Variants in HS6ST2 observed in about 807,000 individuals in gnomAD.
HS6ST2 encodes heparan-sulfate 6-O-sulfotransferase 2.
A neutral mutation model predicts 33.0 loss-of-function variants in HS6ST2; 17 were observed. The observed-to-expected ratio is 0.52, with a 90% confidence interval of 0.35 to 0.77. The LOEUF is 0.77. HS6ST2 is among the 30% of genes least tolerant of loss of function. The pLI, the probability that HS6ST2 is intolerant of heterozygous loss-of-function variation, is 0.01. For synonymous variants in HS6ST2, 248 were observed against 237.1 expected (o/e 1.05, Z -0.42); for missense variants, 519 against 551.7 (o/e 0.94, Z 0.59).
chrX:132,875,233 G>A (rs751877844), intron 2 of HS6ST2, among the ~76,000 whole-genome samples: 1 of 111,794 alleles, frequency 8.9e-6, no homozygotes, highest in Non-Finnish European at 1.9e-5. Flanking sequence ...AGGCACCCAA[G>A]GTGTTTATGC....
chrX:132,717,891 C>G (rs985649877), intron 2 of HS6ST2, among the ~76,000 whole-genome samples: 2 of 111,736 alleles, frequency 1.8e-5, no homozygotes, highest in Non-Finnish European at 3.8e-5. Flanking sequence ...AAACAGGTAT[C>G]CTTTTATTGG....
chrX:132,847,718 A>C (rs753201026), intron 2 of HS6ST2, among the ~76,000 whole-genome samples: 40 of 111,596 alleles, frequency 3.6e-4, no homozygotes, highest in Non-Finnish European at 5.8e-4. Context: ...CCATGTTATC[A>C]GAGGAACAGA....
chrX:132,812,458 T>A (rs1376942042), intron 2 of HS6ST2, among the ~76,000 whole-genome samples: 1 of 100,640 alleles, frequency 9.9e-6, no homozygotes. Flanking sequence ...ATAATAATAA[T>A]AATGGCCATC....
chrX:132,847,604 T>C (rs978547555), intron 2 of HS6ST2, among the ~76,000 whole-genome samples: 2 of 111,475 alleles, frequency 1.8e-5, no homozygotes, highest in Non-Finnish European at 3.8e-5. Context: ...AAGACGGAGA[T>C]CATCAACACT....
chrX:132,679,510 G>A (rs1427980440), intron 3 of HS6ST2, among the ~76,000 whole-genome samples: 1 of 111,465 alleles, frequency 9.0e-6, no homozygotes, highest in Non-Finnish European at 1.9e-5. Context: ...AATATCACAA[G>A]ACAAATGGAG....
chrX:132,858,819 G>A (rs1453797744), intron 2 of HS6ST2, among the ~76,000 whole-genome samples: 1 of 111,949 alleles, frequency 8.9e-6, no homozygotes, highest in Non-Finnish European at 1.9e-5. Flanking sequence ...GGATAGCTAG[G>A]GCTACCACTA....
chrX:132,924,906 T>C (rs1352691987), intron 2 of HS6ST2, among the ~76,000 whole-genome samples: 1 of 110,997 alleles, frequency 9.0e-6, no homozygotes, highest in African/African-American at 3.3e-5. Flanking sequence ...GAGGATTGCT[T>C]GAGCCTGGGA....
chrX:132,899,311 A>G (rs183762569), intron 2 of HS6ST2, among the ~76,000 whole-genome samples: 2 of 112,129 alleles, frequency 1.8e-5, no homozygotes, highest in African/African-American at 3.2e-5. Context: ...CAATCAACAG[A>G]AACAAACTAA....
chrX:132,679,596 T>G (rs2063952064), intron 3 of HS6ST2, among the ~76,000 whole-genome samples: 1 of 111,120 alleles, frequency 9.0e-6, no homozygotes, highest in Non-Finnish European at 1.9e-5. Flanking sequence ...CCATTGTCAT[T>G]GATAACATCT....
chrX:132,740,644 C>CT (rs1364758301), intron 2 of HS6ST2, among the ~76,000 whole-genome samples: 2 of 110,562 alleles, frequency 1.8e-5, no homozygotes, highest in Non-Finnish European at 3.8e-5. Context: ...TGGTGTTTGC[C>CT]TTTAGAAAGG....
At chrX:132,744,413 A>T (rs1490093027) in intron 2 of HS6ST2, among the ~76,000 whole-genome samples, 1 of 111,864 alleles carries the variant, frequency 8.9e-6, no homozygotes, top group Non-Finnish European at 1.9e-5. Flanking sequence ...ATGATGAGGA[A>T]GAAGATTCAC....
intron 3 of HS6ST2, among the ~76,000 whole-genome samples, chrX:132,687,222 G>A (rs1041277724): frequency 9.0e-6 from 1 of 111,366 alleles, no homozygotes; most frequent in Non-Finnish European, 1.9e-5. Flanking sequence ...TGGAATAGGA[G>A]TTGAGACCAG....
chrX:132,692,554 A>C (rs759090207), intron 3 of HS6ST2, among the ~76,000 whole-genome samples: 12 of 109,913 alleles, frequency 1.1e-4, no homozygotes, highest in Admixed American at 9.7e-4. Context: ...CTGGCCTTAC[A>C]TATTTTCTAA....
chrX:132,674,532 A>G (rs2063908789), intron 3 of HS6ST2, among the ~76,000 whole-genome samples: 1 of 111,841 alleles, frequency 8.9e-6, no homozygotes, highest in Non-Finnish European at 1.9e-5. Context: ...GGCATCAGGG[A>G]CTGCAGCAAT....
chrX:132,857,944 T>C (rs954795955), intron 2 of HS6ST2, among the ~76,000 whole-genome samples: 1 of 112,137 alleles, frequency 8.9e-6, no homozygotes, highest in Non-Finnish European at 1.9e-5. Flanking sequence ...GGCACCTAAC[T>C]ATAAATTTGT....
At chrX:132,760,779 A>T (rs2064798463) in intron 2 of HS6ST2, among the ~76,000 whole-genome samples, 1 of 110,970 alleles carries the variant, frequency 9.0e-6, no homozygotes, top group Admixed American at 9.6e-5. Flanking sequence ...AACACACATA[A>T]CTCACCCTTG....
intron 4 of HS6ST2, among the ~76,000 whole-genome samples, chrX:132,650,104 A>ATCTT (rs2063678863): frequency 8.9e-6 from 1 of 111,801 alleles, no homozygotes; most frequent in Non-Finnish European, 1.9e-5. Flanking sequence ...AGATGTCTGC[A>ATCTT]GCCTTGAAGG....
chrX:132,911,684 G>C (rs2066536335), intron 2 of HS6ST2, among the ~76,000 whole-genome samples: 1 of 1,899 alleles, frequency 5.3e-4, no homozygotes, highest in South Asian at 0.022. Flanking sequence ...TGTTGTCCAG[G>C]CTGGAGTGCA....
At chrX:132,687,264 G>A (rs2064025354) in intron 3 of HS6ST2, among the ~76,000 whole-genome samples, 1 of 111,427 alleles carries the variant, frequency 9.0e-6, no homozygotes, top group Non-Finnish European at 1.9e-5. Context: ...AAGGGGAAGG[G>A]AGGAGGAGTT....
Sources: allele counts gnomAD v4.1 joint callset (sites outside exome capture counted in the v4.1 genomes callset), GRCh38; gene constraint gnomAD v4.1.1; transcripts MANE v1.5; gene names NCBI Gene and HGNC (gene_info 2026-07-23, HGNC 2026-07-21).